The following TNIK variants were observed in gnomAD, a reference collection of about 807,000 sequenced individuals.
TNIK encodes TRAF2 and NCK interacting kinase.
A neutral mutation model predicts 191.3 loss-of-function variants in TNIK; 49 were observed. The observed-to-expected ratio is 0.26, with a 90% CI of 0.20 to 0.32. The LOEUF (loss-of-function observed/expected upper bound fraction) is 0.32, where lower values mean the gene tolerates loss of function less well. TNIK is among the 10% of genes least tolerant of loss of function. TNIK has a pLI of 1.00. For missense variants in TNIK, 1,155 were observed against 1,702.3 expected, an observed-to-expected ratio of 0.68 and a Z score of 5.66; for synonymous variants, 594 against 600.9, an observed-to-expected ratio of 0.99 and a Z score of 0.17.
chr3:171,377,106 G>T (rs375094409), intron 1 of TNIK, among the ~76,000 whole-genome samples: 1 of 152,166 alleles, frequency 6.6e-6, no homozygotes, highest in Non-Finnish European at 1.5e-5. Context: ...CTGAGTGTAG[G>T]CTGATTCCAG....
rs575873865 is a variant in TNIK, at chr3:171,219,041, A to T, written c.181-7800T>A. ...ACTATATTAGTGTATTAATTATATTAAATTATATTTAATATAATATATTAA... is the reference window on the plus strand; with the variant it reads ...ACTATATTAGTGTATTAATTATATTTAATTATATTTAATATAATATATTAA... On this transcript the variant is annotated intron_variant, in intron 3 of 32. Transcript: ENST00000436636. Among the ~76,000 whole-genome samples the T allele has an allele frequency of 7.5e-3, 494 of 65,762 alleles. 8 individuals are homozygous for T. Among genetic ancestry groups the T allele is most frequent in the African/African-American group, 0.044 (484 of 10,958 alleles). 43.1% of individuals were successfully genotyped at this position (65,762 alleles called of 152,430 possible).
At chr3:171,214,927 C>T (rs1286344360) in intron 3 of TNIK, among the ~76,000 whole-genome samples, 2 of 152,148 alleles carry the variant, frequency 1.3e-5, no homozygotes, top group African/African-American at 2.4e-5. Context: ...ACAGGATCTA[C>T]TTATTGCTTA....
intron 2 of TNIK, among the ~76,000 whole-genome samples, chr3:171,305,788 T>C (rs931979425): frequency 1.3e-5 from 2 of 152,132 alleles, no homozygotes; most frequent in African/African-American, 4.8e-5. Flanking sequence ...AGTTCAGCCA[T>C]TGTGGAAAGC....
rs372870650 is a variant in TNIK at position 171,365,459 on chromosome 3, G to C, written c.123+4161C>G. On this transcript the variant is annotated intron_variant, in intron 2 of 32. Transcript: ENST00000436636. Reference sequence around the variant, plus strand: ...AGCCTCCCAAAGTGCTGGGATTACAGGCGTGAGCCACCGCGCCCGGCCCAA... The same window carrying C: ...AGCCTCCCAAAGTGCTGGGATTACACGCGTGAGCCACCGCGCCCGGCCCAA... Among the ~76,000 whole-genome samples the C allele has an allele frequency of 9.9e-4, 150 of 152,096 alleles. 1 individual carries two copies. The highest frequency in any genetic ancestry group is 1.6e-3 in the Non-Finnish European group (110 of 67,990).
chr3:171,066,415 C>T, intron 31 of TNIK, 89 bp from the exon 32 acceptor site: 2 of 1,565,074 alleles, frequency 1.3e-6, no homozygotes, highest in Non-Finnish European at 1.7e-6. Context: ...ACAAAAATGA[C>T]AAACGACTTG....
chr3:171,418,376 T>A (rs1223852768), intron 1 of TNIK, among the ~76,000 whole-genome samples: 2 of 152,042 alleles, frequency 1.3e-5, no homozygotes, highest in African/African-American at 2.4e-5. Context: ...TATGTACACA[T>A]AAAAAGTTGT....
chr3:171,278,525 C>A (rs1013085178), intron 2 of TNIK, among the ~76,000 whole-genome samples: 6 of 151,984 alleles, frequency 3.9e-5, no homozygotes, highest in African/African-American at 1.5e-4. Context: ...CCAAAAAAAG[C>A]CACACTAGTC....
intron 3 of TNIK, among the ~76,000 whole-genome samples, chr3:171,224,119 C>G (rs762389696): frequency 6.6e-6 from 1 of 152,256 alleles, no homozygotes; most frequent in Non-Finnish European, 1.5e-5. Flanking sequence ...GTAGTGAAAA[C>G]ATGAGCCTGC....
Position 171,168,792 on chromosome 3 carries a change from T to G in TNIK, c.774-1522A>C, listed in dbSNP as rs546672044. On this transcript the variant is annotated intron_variant, in intron 9 of 32. Coordinates refer to ENST00000436636, the MANE Select transcript of TNIK (RefSeq NM_015028.4). ...CCTTGCTTCTTCCCACTGAAAATCA[T>G]CAGCAGCATCAACGTGCCTGAGCCA... Among the ~76,000 whole-genome samples the G allele has an allele frequency of 5.3e-5, 8 of 152,326 alleles. No homozygotes were observed. In the East Asian group the frequency reaches 9.6e-4, roughly 18 times the overall value.
intron 12 of TNIK, among the ~76,000 whole-genome samples, chr3:171,144,484 T>G (rs1376357335): frequency 6.6e-6 from 1 of 152,242 alleles, no homozygotes; most frequent in Admixed American, 6.5e-5. Flanking sequence ...GTTCTTATTT[T>G]AAATATTTAT....
intron 5 of TNIK, among the ~76,000 whole-genome samples, chr3:171,193,250 T>C (rs570568699): frequency 2.1e-4 from 32 of 152,342 alleles, no homozygotes; most frequent in African/African-American, 7.7e-4. Flanking sequence ...GCATAAATTC[T>C]CCAGCTTTGC....
rs989127018 is a variant in TNIK, at chr3:171,082,127, T to C, written c.3313+124A>G. The C allele has an allele frequency of 3.8e-6, 5 of 1,315,278 alleles. No homozygotes were observed. In the African/African-American group the frequency reaches 5.9e-5, roughly 16 times the overall value. The allele number at this position is 1,315,278 out of a possible 1,614,324, so 81.5% of individuals were successfully genotyped here. On this transcript the variant is annotated intron_variant, in intron 27 of 32. Transcript: ENST00000436636. ...AATGTGGGCAATCTCACTCTGGCTA[T>C]ACTGCTATACTTTATTGTGTTGTTT...
At chr3:171,361,633 CAAAACTACACTTT>C (rs1559974892) in intron 2 of TNIK, among the ~76,000 whole-genome samples, 1 of 151,990 alleles carries the variant, frequency 6.6e-6, no homozygotes, top group Non-Finnish European at 1.5e-5. Context: ...TTAATTCTAG[CAAAACTACACTTT>C]AAGAACAGAT....
intron 4 of TNIK, among the ~76,000 whole-genome samples, chr3:171,201,953 G>C (rs1349532196): frequency 6.6e-6 from 1 of 152,132 alleles, no homozygotes; most frequent in Non-Finnish European, 1.5e-5. Context: ...AAAGCTTCTG[G>C]ATAGTGAACA....
intron 2 of TNIK, among the ~76,000 whole-genome samples, chr3:171,231,633 CT>C (rs1442432290): frequency 6.6e-6 from 1 of 152,144 alleles, no homozygotes; most frequent in African/African-American, 2.4e-5. Context: ...CATGAGCTGC[CT>C]TTTCTATCCC....
chr3:171,137,944 G>C (rs1303626878), intron 15 of TNIK, among the ~76,000 whole-genome samples: 2 of 134,964 alleles, frequency 1.5e-5, no homozygotes, highest in Non-Finnish European at 3.1e-5. Context: ...TCCTATAAAA[G>C]TCCATTGCAA....
intron 7 of TNIK, among the ~76,000 whole-genome samples, chr3:171,177,778 C>A (rs1244341440): frequency 6.6e-6 from 1 of 152,164 alleles, no homozygotes; most frequent in East Asian, 1.9e-4. Context: ...CTCCTGTGAA[C>A]ACATCATCAC....
At chr3:171,291,356 G>C (rs1380796838) in intron 2 of TNIK, among the ~76,000 whole-genome samples, 3 of 152,020 alleles carry the variant, frequency 2.0e-5, no homozygotes, top group African/African-American at 7.3e-5. Flanking sequence ...GAAATAGCCA[G>C]GCTTCCCTCT....
chr3:171,305,050 G>GAAA (rs11440018), intron 2 of TNIK, among the ~76,000 whole-genome samples: 141 of 133,870 alleles, frequency 1.1e-3, no homozygotes, highest in African/African-American at 3.1e-3. Context: ...CTGCCACAGG[G>GAAA]AAAAAAAAAA....
Sources: gnomAD v4.1 joint callset for allele counts (sites outside exome capture counted in the v4.1 genomes callset) on GRCh38, gnomAD v4.1.1 for gene constraint, MANE v1.5 for transcripts, NCBI Gene and HGNC (gene_info 2026-07-23, HGNC 2026-07-21) for gene names.